Variants in ACSF3 observed in about 807,000 individuals in gnomAD.
The protein encoded by ACSF3 is malonate--CoA ligase ACSF3, mitochondrial.
ACSF3 carries 78 observed loss-of-function variants against 53.2 expected under a neutral mutation model. The ratio of observed to expected loss-of-function variants is 1.47; its 90% confidence interval spans 1.22 to 1.77. ACSF3 has a LOEUF of 1.77. Among genes scored for constraint, ACSF3 ranks in the 40% most tolerant of loss-of-function variants. The probability of loss-of-function intolerance (pLI) is 0.00; values close to 1 mark genes in which losing one functional copy is unlikely to be tolerated. For synonymous variants in ACSF3, 414 were observed against 333.1 expected (o/e 1.24, Z -2.65); for missense variants, 937 against 771.1 (o/e 1.22, Z -2.55).
In ACSF3 at chr16:89,102,595, C is replaced by G. The variant is rs369865917; in HGVS notation, c.667-9C>G. The G allele has an allele frequency of 3.1e-6, 5 of 1,613,434 alleles. No homozygotes were observed. Among genetic ancestry groups the G allele is most frequent in the Non-Finnish European group, 4.2e-6 (5 of 1,180,008 alleles). On this transcript the variant is annotated splice_polypyrimidine_tract_variant and intron_variant, in intron 3 of 10. Coordinates refer to ENST00000614302, the MANE Select transcript of ACSF3 (RefSeq NM_001243279.3). ...CTCTTGCTCTCAGCTGTGCTCTCGT[C>G]CCCTGCAGGTGACCGGGCTGGTCCA...
chr16:89,127,189 A>C (rs907153892), intron 7 of ACSF3, among the ~76,000 whole-genome samples: 1 of 151,708 alleles, frequency 6.6e-6, no homozygotes, highest in Non-Finnish European at 1.5e-5. Flanking sequence ...CCATTTTTGT[A>C]CTTTCTTTGG....
intron 5 of ACSF3, among the ~76,000 whole-genome samples, chr16:89,113,000 G>A (rs910490226): frequency 2.6e-5 from 4 of 152,172 alleles, no homozygotes; most frequent in African/African-American, 9.7e-5. Flanking sequence ...ACCCAGGGGC[G>A]TGTTTGCTCT....
chr16:89,134,653 A>C (rs1211065502), intron 8 of ACSF3, among the ~76,000 whole-genome samples: 1 of 152,228 alleles, frequency 6.6e-6, no homozygotes. Context: ...TGCCAGGTTT[A>C]TATCCCGATC....
chr16:89,117,147 G>A (rs34230266), intron 6 of ACSF3, among the ~76,000 whole-genome samples: 64 of 152,222 alleles, frequency 4.2e-4, no homozygotes, highest in Non-Finnish European at 6.9e-4. Context: ...TTCCGGACAT[G>A]TGAGCAGGAC....
chr16:89,141,397 C>A, intron 8 of ACSF3: 1 of 1,091,264 alleles, frequency 9.2e-7, no homozygotes. Flanking sequence ...AAGCTCAGGG[C>A]TGGGAGGGAA....
At chr16:89,136,810 A>C (rs754609811) in intron 8 of ACSF3, 2 of 1,286,756 alleles carry the variant, frequency 1.6e-6, no homozygotes, top group South Asian at 2.5e-5. Flanking sequence ...GCTCAAGGAG[A>C]TGGCAAAGGT....
Position 89,111,979 on chromosome 16 carries a change from G to C in ACSF3, c.823-113G>C, listed in dbSNP as rs373554038. 1.9e-5 allele frequency: 9 copies of C among 478,664 alleles called. No individual in the cohort carries two copies. The East Asian group carries it at 3.2e-4, about 17-fold the overall frequency. 29.7% of individuals were successfully genotyped at this position (478,664 alleles called of 1,614,324 possible). ...GAGGCACCCCTTTTAGAAGGGAGGC[G>C]CTGCAGACTCTTGAATGTGAACCAT... On this transcript the variant is annotated intron_variant, in intron 4 of 10. Transcript: ENST00000614302.
intron 7 of ACSF3, 81 bp downstream of exon 7, chr16:89,120,994 C>G: frequency 1.6e-6 from 2 of 1,282,308 alleles, no homozygotes; most frequent in Non-Finnish European, 2.2e-6. Flanking sequence ...GTGCATCTTT[C>G]CCCTGGAGGC....
intron 10 of ACSF3, chr16:89,153,838 G>C: frequency 1.8e-6 from 1 of 550,034 alleles, no homozygotes; most frequent in Non-Finnish European, 3.3e-6. Flanking sequence ...CTCGCCCAAG[G>C]CCTGCACGCA....
intron 4 of ACSF3, among the ~76,000 whole-genome samples, chr16:89,110,353 A>G (rs1025714190): frequency 1.3e-5 from 2 of 152,202 alleles, no homozygotes; most frequent in African/African-American, 4.8e-5. Context: ...TCTAGGAGTC[A>G]CCTTCTGCAT....
At chr16:89,100,530 G>T in intron 2 of ACSF3, 132 bp from the exon 3 acceptor site, 1 of 894,044 alleles carries the variant, frequency 1.1e-6, no homozygotes, top group Non-Finnish European at 1.7e-6. Context: ...GGCCTGTCTG[G>T]TGCGCTGCCT....
chr16:89,128,511 C>T (rs1321509211), intron 7 of ACSF3, among the ~76,000 whole-genome samples: 2 of 152,122 alleles, frequency 1.3e-5, no homozygotes, highest in East Asian at 1.9e-4. Flanking sequence ...CCACCCACCT[C>T]GGCTTCCCAA....
chr16:89,120,383 G>C (rs1238750098), intron 6 of ACSF3, among the ~76,000 whole-genome samples: 1 of 152,236 alleles, frequency 6.6e-6, no homozygotes, highest in Non-Finnish European at 1.5e-5. Flanking sequence ...GGACAGCCCC[G>C]GGGCCATCAG....
chr16:89,155,103 GT>G lies in ACSF3; in HGVS notation c.*897del, dbSNP rs1264435240. The G allele has an allele frequency of 1.1e-5, 5 of 454,158 alleles. No individual in the cohort carries two copies. The allele number at this position is 454,158 out of a possible 1,614,324, so 28.1% of individuals were successfully genotyped here. ...CAGGAAGGTGTGTTGTGAATGTTGG[GT>G]GCACCCACGTTGCATTTACTTAGCG... On this transcript the variant is annotated 3_prime_UTR_variant, in exon 11 of 11. Coordinates refer to ENST00000614302, the MANE Select transcript of ACSF3 (RefSeq NM_001243279.3).
rs768708234 is a variant in ACSF3, at chr16:89,155,162, G to A, written c.*955G>A. The stretch of plus-strand genomic sequence containing the variant: ...TTCAGATGCACAGGGGCCACATGCA[G>A]AATCCAGAAGTTTCTGGACAATTTT... On this transcript the variant is annotated 3_prime_UTR_variant, in exon 11 of 11. Coordinates refer to ENST00000614302, the MANE Select transcript of ACSF3 (RefSeq NM_001243279.3). 6.2e-5 allele frequency: 28 copies of A among 454,074 alleles called. No homozygotes were observed. In the Middle Eastern group the frequency reaches 2.7e-3, roughly 44 times the overall value. 28.1% of individuals were successfully genotyped at this position (454,074 alleles called of 1,614,324 possible). A position where few individuals can be genotyped will look rare whatever the true frequency, so the allele number is the denominator to read the frequency against.
chr16:89,155,811 A>G lies in ACSF3; in HGVS notation c.*1604A>G, dbSNP rs1301135092. On this transcript the variant is annotated 3_prime_UTR_variant, in exon 11 of 11. Transcript: ENST00000614302. ...TTTAATCCTGAAACTTTTGATTCCT[A>G]AAAAGCTTACATAATCATTTGCTTT... 1 of 453,394 alleles carries G rather than the reference A, an allele frequency of 2.2e-6. No individual in the cohort carries two copies. Among genetic ancestry groups the G allele is most frequent in the Admixed American group, 2.4e-5 (1 of 42,434 alleles). 28.1% of individuals were successfully genotyped at this position (453,394 alleles called of 1,614,324 possible).
At chr16:89,121,033 C>T in intron 7 of ACSF3, 120 bp downstream of exon 7, 2 of 866,078 alleles carry the variant, frequency 2.3e-6, no homozygotes, top group South Asian at 3.1e-5. Context: ...GGGACCAGCC[C>T]CCTGGACACT....
chr16:89,101,915 A>G (rs4782461), intron 3 of ACSF3, among the ~76,000 whole-genome samples: 108,546 of 152,172 alleles, frequency 0.71, 39,426 homozygotes, highest in Non-Finnish European at 0.79. Flanking sequence ...CCATGAGCAC[A>G]CAGCAGGCTG....
At chr16:89,134,752 C>T (rs1428661600) in intron 8 of ACSF3, among the ~76,000 whole-genome samples, 3 of 152,196 alleles carry the variant, frequency 2.0e-5, no homozygotes, top group Non-Finnish European at 4.4e-5. Context: ...AGTGAGCTCG[C>T]TTTACTACCT....
Sources: gnomAD v4.1 joint callset for allele counts (sites outside exome capture counted in the v4.1 genomes callset) on GRCh38, gnomAD v4.1.1 for gene constraint, MANE v1.5 for transcripts, NCBI Gene and HGNC (gene_info 2026-07-23, HGNC 2026-07-21) for gene names.